Variants in ARHGAP31 observed in about 807,000 individuals in gnomAD.
ARHGAP31 encodes the protein Rho GTPase activating protein 31, also known as rho GTPase-activating protein 31.
Under a neutral mutation model 113.9 loss-of-function variants are expected in ARHGAP31, and 34 were observed. The ratio of observed to expected loss-of-function variants is 0.30; its 90% confidence interval spans 0.23 to 0.40. The LOEUF (loss-of-function observed/expected upper bound fraction) is 0.40, where lower values mean the gene tolerates loss of function less well. Among genes scored for constraint, ARHGAP31 ranks in the 10% least tolerant of loss-of-function variants. The probability of loss-of-function intolerance (pLI) is 1.00; values close to 1 mark genes in which losing one functional copy is unlikely to be tolerated. For missense variants in ARHGAP31, 1,548 were observed against 1,767.1 expected, an observed-to-expected ratio of 0.88 and a Z score of 2.22; for synonymous variants, 650 against 684.8, an observed-to-expected ratio of 0.95 and a Z score of 0.79.
intron 8 of ARHGAP31, among the ~76,000 whole-genome samples, 158 bp from the exon 9 acceptor site, chr3:119,399,041 T>C (rs1221035397): frequency 6.6e-6 from 1 of 152,166 alleles, no homozygotes; most frequent in Non-Finnish European, 1.5e-5. Context: ...AGTAGGAACA[T>C]CTAGGGTGGA....
At chr3:119,317,466 T>C (rs1293827839) in intron 1 of ARHGAP31, among the ~76,000 whole-genome samples, 2 of 152,172 alleles carry the variant, frequency 1.3e-5, no homozygotes, top group Admixed American at 6.5e-5. Flanking sequence ...CGTGAGTCAC[T>C]GCGCCTGGCC....
intron 1 of ARHGAP31, among the ~76,000 whole-genome samples, chr3:119,307,165 A>G (rs529110866): frequency 6.6e-6 from 1 of 152,108 alleles, no homozygotes; most frequent in African/African-American, 2.4e-5. Context: ...TCAAATTCCA[A>G]CTCTACCACA....
chr3:119,299,959 G>A (rs892599245), intron 1 of ARHGAP31, among the ~76,000 whole-genome samples: 5 of 152,124 alleles, frequency 3.3e-5, no homozygotes, highest in South Asian at 4.1e-4. Context: ...CTGGCACATC[G>A]TGGTCACACC....
intron 1 of ARHGAP31, among the ~76,000 whole-genome samples, chr3:119,331,946 G>T (rs2079895029): frequency 6.6e-6 from 1 of 152,112 alleles, no homozygotes. Flanking sequence ...AGCTCCACGG[G>T]ACTGAGAGTC....
At chr3:119,335,688 G>A (rs1227246918) in intron 1 of ARHGAP31, among the ~76,000 whole-genome samples, 3 of 152,324 alleles carry the variant, frequency 2.0e-5, no homozygotes, top group African/African-American at 7.2e-5. Context: ...ATTGGTCTGT[G>A]GCTGCAAGGT....
At chr3:119,305,741 G>C (rs2079626308) in intron 1 of ARHGAP31, among the ~76,000 whole-genome samples, 1 of 152,192 alleles carries the variant, frequency 6.6e-6, no homozygotes, top group South Asian at 2.1e-4. Flanking sequence ...GAGCCATGTT[G>C]CTTTCTGGAA....
intron 1 of ARHGAP31, among the ~76,000 whole-genome samples, chr3:119,330,635 C>T (rs113868915): frequency 1.2e-4 from 19 of 152,268 alleles, no homozygotes; most frequent in African/African-American, 4.6e-4. Context: ...AGTCACCTCC[C>T]CTTGGAATCC....
At chr3:119,350,636 G>A (rs2080103204) in intron 1 of ARHGAP31, among the ~76,000 whole-genome samples, 1 of 152,116 alleles carries the variant, frequency 6.6e-6, no homozygotes, top group Admixed American at 6.5e-5. Context: ...TTAGAGCTAA[G>A]TCCCTGGAGG....
chr3:119,325,788 A>G (rs1203297835), intron 1 of ARHGAP31, among the ~76,000 whole-genome samples: 7 of 152,218 alleles, frequency 4.6e-5, no homozygotes, highest in Non-Finnish European at 1.0e-4. Context: ...ACTTCGCTTA[A>G]TATTAGAATC....
chr3:119,381,501 A>G (rs965405978), intron 4 of ARHGAP31, among the ~76,000 whole-genome samples: 6 of 152,146 alleles, frequency 3.9e-5, no homozygotes, highest in African/African-American at 1.2e-4. Flanking sequence ...AAGGGGGCAG[A>G]TTTTGATGTG....
chr3:119,349,294 T>A (rs1444059066), intron 1 of ARHGAP31, among the ~76,000 whole-genome samples: 1 of 152,160 alleles, frequency 6.6e-6, no homozygotes, highest in Non-Finnish European at 1.5e-5. Context: ...AATTCAGATA[T>A]CTTGATTTGC....
intron 1 of ARHGAP31, among the ~76,000 whole-genome samples, chr3:119,320,319 T>C (rs1003173515): frequency 6.6e-6 from 1 of 152,180 alleles, no homozygotes; most frequent in South Asian, 2.1e-4. Flanking sequence ...ATATTCTTCC[T>C]TCCCTCCCTA....
chr3:119,401,763 A>G, intron 9 of ARHGAP31, 59 bp from the exon 10 acceptor site: 1 of 1,532,578 alleles, frequency 6.5e-7, no homozygotes, highest in African/African-American at 1.4e-5. Flanking sequence ...CCTTACTGGA[A>G]GGCCTGCTAT....
chr3:119,352,560 T>C (rs2080119081), intron 1 of ARHGAP31, among the ~76,000 whole-genome samples: 1 of 152,178 alleles, frequency 6.6e-6, no homozygotes, highest in African/African-American at 2.4e-5. Context: ...TCCTTATTTT[T>C]TTCTTTTTGT....
In ARHGAP31 at chr3:119,409,504, C is replaced by T. The variant is rs370183659; in HGVS notation, c.1654C>T (p.Pro552Ser). 1.2e-6 allele frequency: 2 copies of T among 1,614,038 alleles called. No homozygotes were observed. The highest frequency in any genetic ancestry group is 2.7e-5 in the African/African-American group (2 of 74,914). ...TCTCATTTTCACTGCAGCTTCTGTA[C>T]CTAAGAAGGCAGGTCTTGAGGATGC... is the stretch of plus-strand genomic sequence containing the variant. ...LGAETSAASV[P>S]KKAGLEDAKA... The change falls in exon 11 of 12, where the codon CCT becomes TCT. Residue 552 changes from proline to serine, a missense_variant. Coordinates refer to ENST00000264245, the MANE Select transcript of ARHGAP31 (RefSeq NM_020754.4).
At chr3:119,339,600 C>T (rs1392738651) in intron 1 of ARHGAP31, among the ~76,000 whole-genome samples, 1 of 152,084 alleles carries the variant, frequency 6.6e-6, no homozygotes, top group East Asian at 1.9e-4. Context: ...CCCTCCGACC[C>T]GCCGCATCTC....
intron 1 of ARHGAP31, among the ~76,000 whole-genome samples, chr3:119,340,149 G>T (rs753399486): frequency 1.3e-5 from 2 of 152,154 alleles, no homozygotes; most frequent in Non-Finnish European, 2.9e-5. Flanking sequence ...ATAGACAAAT[G>T]GTAAGCACAC....
intron 1 of ARHGAP31, among the ~76,000 whole-genome samples, chr3:119,332,496 C>T (rs534623219): frequency 1.4e-4 from 22 of 152,174 alleles, no homozygotes; most frequent in African/African-American, 4.3e-4. Flanking sequence ...GCCACCGCAC[C>T]GGCCGGATTC....
At chr3:119,385,685 A>G (rs2080443638) in intron 6 of ARHGAP31, among the ~76,000 whole-genome samples, 1 of 152,252 alleles carries the variant, frequency 6.6e-6, no homozygotes, top group South Asian at 2.1e-4. Context: ...TACAGCAAAC[A>G]TGATAAAGTT....
Sources: gnomAD v4.1 joint callset for allele counts (sites outside exome capture counted in the v4.1 genomes callset) on GRCh38, gnomAD v4.1.1 for gene constraint, MANE v1.5 for transcripts, NCBI Gene and HGNC (gene_info 2026-07-23, HGNC 2026-07-21) for gene names.